GALNT18: variants seen among roughly 807,000 people sequenced by gnomAD.
The protein encoded by GALNT18 is GalNAc-transferase 18.
A neutral mutation model predicts 69.5 loss-of-function variants in GALNT18; 44 were observed. The ratio of observed to expected loss-of-function variants is 0.63; its 90% CI spans 0.50 to 0.81. GALNT18 has a LOEUF of 0.81. GALNT18 is among the 40% of genes least tolerant of loss of function. The probability of loss-of-function intolerance (pLI) is 0.00; values close to 1 mark genes in which losing one functional copy is unlikely to be tolerated. For missense variants in GALNT18, 715 were observed against 810.0 expected, an observed-to-expected ratio of 0.88 and a Z score of 1.42; for synonymous variants, 364 against 318.2, an observed-to-expected ratio of 1.14 and a Z score of -1.53.
chr11:11,279,564 G>A (rs1260594972), intron 10 of GALNT18, among the ~76,000 whole-genome samples: 1 of 151,032 alleles, frequency 6.6e-6, no homozygotes, highest in African/African-American at 2.4e-5. Flanking sequence ...TCATATAATG[G>A]AAACCTATAT....
chr11:11,494,738 G>A lies in GALNT18; in HGVS notation c.236-45802C>T, dbSNP rs1856837334. On this transcript the variant is annotated intron_variant, in intron 1 of 10. Coordinates refer to ENST00000227756, the MANE Select transcript of GALNT18 (RefSeq NM_198516.3). The surrounding 1 kb of genome is among the most constrained non-coding windows in gnomAD (Gnocchi z 5.7). The stretch of plus-strand genomic sequence containing the variant: ...CAGTACACACACTCCTCATCCTGGG[G>A]CATTTCCACTATAGCCAAATCAGAG... Among the ~76,000 whole-genome samples the A allele has an allele frequency of 1.3e-5, 2 of 152,158 alleles. No individual in the cohort carries two copies. The highest frequency in any genetic ancestry group is 4.1e-4 in the South Asian group (2 of 4,830).
Position 11,332,586 on chromosome 11 carries a change from C to CAG in GALNT18, c.1416+106_1416+107dup. The stretch of plus-strand genomic sequence containing the variant: ...CAGCGCCCGGTCCCCAGGCCTACTG[C>CAG]AGTTCTTCATGTGAGCAGCTGAGAG... On this transcript the variant is annotated intron_variant, in intron 8 of 10. Coordinates refer to ENST00000227756, the MANE Select transcript of GALNT18 (RefSeq NM_198516.3). The surrounding 1 kb of genome is among the most constrained non-coding windows in gnomAD (Gnocchi z 4.3). 7.7e-7 allele frequency: 1 copy of CAG among 1,292,692 alleles called. No individual in the cohort carries two copies. The highest frequency in any genetic ancestry group is 1.1e-6 in the Non-Finnish European group (1 of 918,884). 80.1% of individuals were successfully genotyped at this position (1,292,692 alleles called of 1,614,324 possible).
At chr11:11,483,688 C>T (rs914869158) in intron 1 of GALNT18, among the ~76,000 whole-genome samples, 35 of 152,154 alleles carry the variant, frequency 2.3e-4, no homozygotes, top group African/African-American at 8.2e-4. Context: ...TCTTTCTCTT[C>T]CGATTGAGGC....
chr11:11,335,077 G>C (rs963874804), intron 7 of GALNT18, among the ~76,000 whole-genome samples: 1 of 152,192 alleles, frequency 6.6e-6, no homozygotes, highest in African/African-American at 2.4e-5. Flanking sequence ...TTAACACTGT[G>C]TCTGTTTTAT....
chr11:11,580,759 C>G (rs1859059405), intron 1 of GALNT18, among the ~76,000 whole-genome samples: 1 of 152,238 alleles, frequency 6.6e-6, no homozygotes, highest in South Asian at 2.1e-4. Flanking sequence ...GCCTCCATCC[C>G]TAACTCACTC....
chr11:11,525,014 T>A (rs1245719001), intron 1 of GALNT18, among the ~76,000 whole-genome samples: 1 of 152,072 alleles, frequency 6.6e-6, no homozygotes, highest in East Asian at 1.9e-4. Context: ...TCTTGAAGAC[T>A]AAGTCCAGGG....
At chr11:11,298,414 C>T (rs1276023396) in intron 9 of GALNT18, among the ~76,000 whole-genome samples, 1 of 152,260 alleles carries the variant, frequency 6.6e-6, no homozygotes, top group Non-Finnish European at 1.5e-5. Flanking sequence ...GCTCTCTCCC[C>T]TCCTTGCCTA....
chr11:11,328,822 C>T (rs899331815), intron 8 of GALNT18, among the ~76,000 whole-genome samples: 4 of 152,316 alleles, frequency 2.6e-5, no homozygotes, highest in Non-Finnish European at 5.9e-5. Flanking sequence ...TAAAGCCAAG[C>T]ACTGTAACCC....
rs562510901 is a variant in GALNT18, at chr11:11,469,565, G to A, written c.236-20629C>T. On this transcript the variant is annotated intron_variant, in intron 1 of 10. Coordinates refer to ENST00000227756, the MANE Select transcript of GALNT18 (RefSeq NM_198516.3). This position sits in a 1 kb window ranked among gnomAD's most constrained non-coding sequence, Gnocchi z 4.2. Reference sequence around the variant, plus strand: ...CATCTTGGTGATCAACCTCTGACTTGTTTTCAGTTTGATCCATGAGGGCCA... The same window carrying A: ...CATCTTGGTGATCAACCTCTGACTTATTTTCAGTTTGATCCATGAGGGCCA... 3.9e-4 allele frequency among the ~76,000 whole-genome samples: 60 copies of A among 152,230 alleles called. No individual in the cohort carries two copies. The highest frequency in any genetic ancestry group is 1.3e-3 in the African/African-American group (55 of 41,534).
At chr11:11,310,747 G>A (rs887814745) in intron 9 of GALNT18, among the ~76,000 whole-genome samples, 1 of 152,118 alleles carries the variant, frequency 6.6e-6, no homozygotes, top group Non-Finnish European at 1.5e-5. Context: ...ACCCGGGCAG[G>A]GCTAATGCAG....
intron 1 of GALNT18, among the ~76,000 whole-genome samples, chr11:11,462,271 T>C (rs1856059809): frequency 7.0e-6 from 1 of 142,448 alleles, no homozygotes; most frequent in Non-Finnish European, 1.6e-5. Context: ...GGCAAAGTCT[T>C]TTCTTTTTTT....
intron 1 of GALNT18, among the ~76,000 whole-genome samples, chr11:11,576,852 C>A (rs572518846): frequency 6.6e-6 from 1 of 152,340 alleles, no homozygotes; most frequent in South Asian, 2.1e-4. Context: ...TCTCCTTTGG[C>A]CATGGCCTGA....
chr11:11,343,423 T>C lies in GALNT18; in HGVS notation c.1093-2419A>G, dbSNP rs1043688583. Among the ~76,000 whole-genome samples, 3 of 152,086 alleles carry C rather than the reference T, an allele frequency of 2.0e-5. No homozygotes were observed. The East Asian group carries it at 5.8e-4, about 29-fold the overall frequency. On this transcript the variant is annotated intron_variant, in intron 6 of 10. Transcript: ENST00000227756. The stretch of plus-strand genomic sequence containing the variant: ...TGCTCAAGAACACACAGCTGATACT[T>C]AAGACAAAAGGATCTGTCTGATCCC...
At chr11:11,419,351 C>G (rs552487761) in intron 3 of GALNT18, among the ~76,000 whole-genome samples, 57 of 152,066 alleles carry the variant, frequency 3.7e-4, no homozygotes, top group African/African-American at 1.3e-3. Context: ...AATCTCAGCA[C>G]TCTGGGAGGC....
chr11:11,561,730 G>T (rs1858512175), intron 1 of GALNT18, among the ~76,000 whole-genome samples: 1 of 152,188 alleles, frequency 6.6e-6, no homozygotes, highest in Non-Finnish European at 1.5e-5. Context: ...AGGGAAACAG[G>T]TCCTGCTTCC....
intron 1 of GALNT18, among the ~76,000 whole-genome samples, chr11:11,512,558 CAT>C (rs1185707283): frequency 1.3e-5 from 2 of 152,218 alleles, no homozygotes; most frequent in Non-Finnish European, 2.9e-5. Context: ...GGTACACACA[CAT>C]AGTTTCTTTC....
At chr11:11,418,130 C>T (rs1422455200) in intron 3 of GALNT18, among the ~76,000 whole-genome samples, 1 of 152,204 alleles carries the variant, frequency 6.6e-6, no homozygotes, top group African/African-American at 2.4e-5. Context: ...TTTGAAAACT[C>T]TTCTATCCCC....
chr11:11,612,884 G>A (rs896447909), intron 1 of GALNT18, among the ~76,000 whole-genome samples: 5 of 152,200 alleles, frequency 3.3e-5, no homozygotes, highest in African/African-American at 1.2e-4. Context: ...ATTTCTGTGA[G>A]CTCTTAAAGG....
rs975041323 is a variant in GALNT18, at chr11:11,541,910, C to T, written c.235+79449G>A. ...GAGCTGTCCTGACACACCTCGCTGG[C>T]CACAACCTCCTGCAGGAGAATCACA... is the stretch of plus-strand genomic sequence containing the variant. On this transcript the variant is annotated intron_variant, in intron 1 of 10. Coordinates refer to ENST00000227756, the MANE Select transcript of GALNT18 (RefSeq NM_198516.3). The surrounding 1 kb of genome is among the most constrained non-coding windows in gnomAD (Gnocchi z 4.8). Among the ~76,000 whole-genome samples, 12 of 152,178 alleles carry T rather than the reference C, an allele frequency of 7.9e-5. No homozygotes were observed. Among genetic ancestry groups the T allele is most frequent in the Non-Finnish European group, 1.5e-4 (10 of 68,036 alleles).
Sources: allele counts gnomAD v4.1 joint callset (sites outside exome capture counted in the v4.1 genomes callset), GRCh38; gene constraint gnomAD v4.1.1; non-coding constraint Gnocchi (gnomAD v3.1); transcripts MANE v1.5; gene names NCBI Gene and HGNC (gene_info 2026-07-23, HGNC 2026-07-21).